CSNK1G1: variants seen among roughly 807,000 people sequenced by gnomAD.
CSNK1G1 encodes the protein casein kinase 1 gamma 1.
In CSNK1G1, 22 loss-of-function variants were observed where a neutral mutation model predicts 59.6. The ratio of observed to expected loss-of-function variants is 0.37; its 90% CI spans 0.26 to 0.53. CSNK1G1 has a LOEUF of 0.53. CSNK1G1 is among the 20% of genes least tolerant of loss of function. The pLI is 0.89. For synonymous variants in CSNK1G1, 179 were observed against 177.1 expected, an observed-to-expected ratio of 1.01 and a Z score of -0.08; for missense variants, 384 against 519.5, an observed-to-expected ratio of 0.74 and a Z score of 2.54.
At position 64,216,142 on chromosome 15, in the gene CSNK1G1, T is replaced by C. The variant is rs2082308914; in HGVS notation, c.444+420A>G. 1.3e-5 allele frequency among the ~76,000 whole-genome samples: 2 copies of C among 152,054 alleles called. No individual in the cohort carries two copies. Among genetic ancestry groups the C allele is most frequent in the African/African-American group, 4.8e-5 (2 of 41,396 alleles). ...GGAGAGGCTGAGGCAGGAGAATCACTTGAGCCTAGGAGTTTGAGGTTGCAC... is the reference window on the plus strand; with the variant it reads ...GGAGAGGCTGAGGCAGGAGAATCACCTGAGCCTAGGAGTTTGAGGTTGCAC... On this transcript the variant is annotated intron_variant, in intron 5 of 11. Coordinates refer to ENST00000303052, the MANE Select transcript of CSNK1G1 (RefSeq NM_022048.5). The surrounding 1 kb of genome is among the most constrained non-coding windows in gnomAD (Gnocchi z 4.6).
At chr15:64,208,000 A>C (rs1018937890) in intron 6 of CSNK1G1, among the ~76,000 whole-genome samples, 24 of 152,212 alleles carry the variant, frequency 1.6e-4, no homozygotes, top group African/African-American at 5.3e-4. Context: ...CAAACTGTTA[A>C]AACAGTCCAT....
In CSNK1G1 at chr15:64,321,059, G is replaced by A. The variant is rs573274846; in HGVS notation, c.-224-20336C>T. Among the ~76,000 whole-genome samples the A allele has an allele frequency of 5.9e-5, 9 of 152,090 alleles. No homozygotes were observed. In the South Asian group the frequency reaches 1.9e-3, roughly 32 times the overall value. On this transcript the variant is annotated intron_variant, in intron 1 of 11. Transcript: ENST00000303052. ...TGAGATATTTATAATGCTCTCTATA[G>A]AGAAATTCAGAATAGTATGATTACT... is the stretch of plus-strand genomic sequence containing the variant.
At chr15:64,234,089 A>G (rs2082583603) in intron 4 of CSNK1G1, among the ~76,000 whole-genome samples, 1 of 152,146 alleles carries the variant, frequency 6.6e-6, no homozygotes, top group South Asian at 2.1e-4. Context: ...GCTGGTTTTC[A>G]TATACTGATC....
At chr15:64,245,072 T>C (rs1471860776) in intron 4 of CSNK1G1, among the ~76,000 whole-genome samples, 1 of 151,852 alleles carries the variant, frequency 6.6e-6, no homozygotes, top group East Asian at 1.9e-4. Flanking sequence ...ACTAGACCCC[T>C]ATCTCTAACT....
chr15:64,249,765 T>C (rs1352639508), intron 4 of CSNK1G1, among the ~76,000 whole-genome samples: 1 of 152,230 alleles, frequency 6.6e-6, no homozygotes, highest in Non-Finnish European at 1.5e-5. Context: ...TGCTGAAACT[T>C]CAAGAGCTTG....
chr15:64,354,862 C>G (rs1413901894), intron 1 of CSNK1G1, among the ~76,000 whole-genome samples: 1 of 152,164 alleles, frequency 6.6e-6, no homozygotes, highest in African/African-American at 2.4e-5. Context: ...TAGGTTCAAC[C>G]CAAGATTTAT....
chr15:64,323,300 T>A (rs901715888), intron 1 of CSNK1G1, among the ~76,000 whole-genome samples: 2 of 152,142 alleles, frequency 1.3e-5, no homozygotes, highest in Non-Finnish European at 2.9e-5. Flanking sequence ...ACATTGAATA[T>A]AATTACTAGC....
intron 3 of CSNK1G1, 111 bp from the exon 4 acceptor site, chr15:64,251,692 A>G: frequency 1.4e-6 from 1 of 712,944 alleles, no homozygotes; most frequent in Non-Finnish European, 2.4e-6. Context: ...TAGAGATAAT[A>G]TCCATATATA....
Position 64,171,942 on chromosome 15 carries a change from G to A in CSNK1G1, c.1258C>T (p.Arg420Cys), listed in dbSNP as rs774148858. 2.3e-5 allele frequency: 37 copies of A among 1,613,902 alleles called. No individual in the cohort carries two copies. The highest frequency in any genetic ancestry group is 5.5e-5 in the South Asian group (5 of 91,082). Residue 420 changes from arginine (R) to cysteine (C), a missense_variant, in exon 12 of 12, where the codon CGC (arginine) becomes TGC (cysteine). By Grantham distance (180) the Arg-to-Cys change is radical. This residue lies in a region of CSNK1G1 where 325 missense variants were observed against 440.9 expected (regional missense o/e 0.74). Coordinates refer to ENST00000303052, the MANE Select transcript of CSNK1G1 (RefSeq NM_022048.5). The surrounding 1 kb of genome is among the most constrained non-coding windows in gnomAD (Gnocchi z 4.8). The stretch of plus-strand genomic sequence containing the variant: ...CTGGGAGGCACTGGTCACTTGTGGC[G>A]CTGAGCAGTCTTCTTCCTTTTCCTC... ...FKRKRKKTAQ[R>C]HK
chr15:64,349,342 G>A (rs958502774), intron 1 of CSNK1G1, among the ~76,000 whole-genome samples: 24 of 151,902 alleles, frequency 1.6e-4, no homozygotes, highest in African/African-American at 5.8e-4. Context: ...CTCCCTTTTC[G>A]TGGCAAGGGC....
At chr15:64,223,203 G>T (rs1016314471) in intron 4 of CSNK1G1, among the ~76,000 whole-genome samples, 1 of 151,874 alleles carries the variant, frequency 6.6e-6, no homozygotes, top group Non-Finnish European at 1.5e-5. Flanking sequence ...TTACCACACA[G>T]TAACGGCTTA....
chr15:64,283,489 C>T (rs748420601), intron 2 of CSNK1G1, among the ~76,000 whole-genome samples: 10 of 152,034 alleles, frequency 6.6e-5, no homozygotes, highest in Non-Finnish European at 1.2e-4. Flanking sequence ...ATTACAGAAG[C>T]GCACCAACAC....
rs2081612447 is a variant in CSNK1G1 at position 64,167,226 on chromosome 15, A to G, written c.*4705T>C. On this transcript the variant is annotated 3_prime_UTR_variant, in exon 12 of 12. Transcript: ENST00000303052. Reference sequence around the variant, plus strand: ...TTTCAAGATTCCTTACTTGTGGCTAAAACATTGCTCAAAAAGGATAAACCC... The same window carrying G: ...TTTCAAGATTCCTTACTTGTGGCTAGAACATTGCTCAAAAAGGATAAACCC... 1 of 152,222 alleles carries G rather than the reference A, an allele frequency of 6.6e-6. No homozygotes were observed. The highest frequency in any genetic ancestry group is 1.5e-5 in the Non-Finnish European group (1 of 68,030). The allele number at this position is 152,222 out of a possible 1,614,324, so 9.4% of individuals were successfully genotyped here. A position where few individuals can be genotyped will look rare whatever the true frequency, so the allele number is the denominator to read the frequency against.
At chr15:64,198,822 AT>A (rs2082069705) in intron 10 of CSNK1G1, among the ~76,000 whole-genome samples, 1 of 152,122 alleles carries the variant, frequency 6.6e-6, no homozygotes, top group Non-Finnish European at 1.5e-5. Flanking sequence ...CTAGAAATCC[AT>A]TACCCAGAGT....
At chr15:64,225,357 A>T (rs898701231) in intron 4 of CSNK1G1, among the ~76,000 whole-genome samples, 9 of 152,062 alleles carry the variant, frequency 5.9e-5, no homozygotes, top group Admixed American at 5.9e-4. Context: ...ACCTGTCCAC[A>T]ACCAAGTCAT....
At chr15:64,287,764 A>G (rs1048976849) in intron 2 of CSNK1G1, among the ~76,000 whole-genome samples, 3 of 152,204 alleles carry the variant, frequency 2.0e-5, no homozygotes, top group Admixed American at 6.5e-5. Context: ...GCACATTTCT[A>G]TATGTTACCA....
In CSNK1G1 at chr15:64,186,613, G is replaced by A. The variant is rs147900343; in HGVS notation, c.1108-6159C>T. Among the ~76,000 whole-genome samples, 996 of 152,208 alleles carry A rather than the reference G, an allele frequency of 6.5e-3. 12 individuals are homozygous for A. The highest frequency in any genetic ancestry group is 0.019 in the African/African-American group (795 of 41,524). On this transcript the variant is annotated intron_variant, in intron 10 of 11. Coordinates refer to ENST00000303052, the MANE Select transcript of CSNK1G1 (RefSeq NM_022048.5). ...CAGCCTCAAACTCCTGGGCTCAAGC[G>A]ATCCTCCCGCCTAAGCCTTCCTGGC... is the stretch of plus-strand genomic sequence containing the variant.
chr15:64,196,281 T>A (rs2082037535), intron 10 of CSNK1G1, among the ~76,000 whole-genome samples: 1 of 152,034 alleles, frequency 6.6e-6, no homozygotes, highest in Admixed American at 6.6e-5. Flanking sequence ...TATATGTGAG[T>A]TTAAATGCAG....
intron 1 of CSNK1G1, among the ~76,000 whole-genome samples, chr15:64,353,352 G>A (rs956226355): frequency 6.6e-6 from 1 of 152,068 alleles, no homozygotes; most frequent in Non-Finnish European, 1.5e-5. Flanking sequence ...AAACAAATGA[G>A]TATAAAGACT....
Sources: allele counts gnomAD v4.1 joint callset (sites outside exome capture counted in the v4.1 genomes callset), GRCh38; gene constraint gnomAD v4.1.1; regional missense constraint gnomAD v4.1.1; non-coding constraint Gnocchi (gnomAD v3.1); transcripts MANE v1.5; gene names NCBI Gene and HGNC (gene_info 2026-07-23, HGNC 2026-07-21).